PDGFRA: variants seen among roughly 807,000 people sequenced by gnomAD.
The protein encoded by PDGFRA is platelet-derived growth factor receptor alpha.
In PDGFRA, 25 loss-of-function variants were observed where a neutral mutation model predicts 121.5. That is an observed-to-expected ratio of 0.21 (90% CI 0.15 to 0.29). PDGFRA has a LOEUF of 0.29. Among genes scored for constraint, PDGFRA ranks in the 10% least tolerant of loss-of-function variants. The pLI is 1.00. For missense variants in PDGFRA, 1,008 were observed against 1,345.1 expected (o/e 0.75, Z 3.92); for synonymous variants, 463 against 494.8 (o/e 0.94, Z 0.85).
At position 54,274,544 on chromosome 4, in the gene PDGFRA, A is replaced by G. The variant is rs1396151619; in HGVS notation, c.1572A>G (p.Glu524=). ...CTTGTCACGTAGCCCTGCGTTCTGA[A>G]CTCACGGTGGCTGCTGCAGTCCTGG... The part of the protein sequence containing the change: ...LKLVAPTLRS[E]LTVAAAVLVL... Residue 524 remains glutamate, a synonymous_variant, in exon 11 of 23, where the codon GAA becomes GAG. Coordinates refer to ENST00000257290, the MANE Select transcript of PDGFRA (RefSeq NM_006206.6). The G allele has an allele frequency of 1.9e-6, 3 of 1,612,990 alleles. No individual in the cohort carries two copies. The South Asian group carries it at 3.3e-5, about 18-fold the overall frequency.
At chr4:54,259,100 C>T (rs1303897757) in intron 2 of PDGFRA, among the ~76,000 whole-genome samples, 1 of 152,168 alleles carries the variant, frequency 6.6e-6, no homozygotes, top group East Asian at 1.9e-4. Flanking sequence ...TTACTTACTA[C>T]TCTCTTCCTT....
intron 22 of PDGFRA, among the ~76,000 whole-genome samples, chr4:54,290,765 A>G (rs1724590295): frequency 6.6e-6 from 1 of 152,170 alleles, no homozygotes; most frequent in African/African-American, 2.4e-5. Context: ...AGGGATGTGC[A>G]TGTTGTGGGG....
chr4:54,259,751 T>G (rs1005178327), intron 2 of PDGFRA, among the ~76,000 whole-genome samples: 2 of 152,222 alleles, frequency 1.3e-5, no homozygotes, highest in African/African-American at 4.8e-5. Flanking sequence ...CCAGATGTAC[T>G]TACAAATCCT....
chr4:54,229,469 C>T (rs111509514), intron 1 of PDGFRA, 54 bp downstream of exon 1: 351 of 394,786 alleles, frequency 8.9e-4, no homozygotes, highest in African/African-American at 6.7e-3. Flanking sequence ...CCTGATCAGA[C>T]TCTGGGACTG....
In PDGFRA at chr4:54,274,904, A is replaced by G. The variant is rs1723636164; in HGVS notation, c.1717A>G (p.Ile573Val). The G allele has an allele frequency of 1.2e-6, 2 of 1,614,078 alleles. No homozygotes were observed. Among genetic ancestry groups the G allele is most frequent in the Non-Finnish European group, 1.7e-6 (2 of 1,179,924 alleles). ...AATCAGCCCAGATGGACATGAATAT[A>G]TTTATGTGGACCCGATGCAGCTGCC... is the stretch of plus-strand genomic sequence containing the variant. ...ESISPDGHEY[I>V]YVDPMQLPYD... The change falls in exon 12 of 23, where the codon ATT (isoleucine) becomes GTT (valine). Residue 573 changes from isoleucine (I) to valine (V), a missense_variant. Ile to Val is a conservative substitution (Grantham distance 29). This residue lies in a region of PDGFRA where 575 missense variants were observed against 701.8 expected (regional missense o/e 0.82). Coordinates refer to ENST00000257290, the MANE Select transcript of PDGFRA (RefSeq NM_006206.6).
intron 1 of PDGFRA, among the ~76,000 whole-genome samples, chr4:54,257,925 T>C (rs1340507973): frequency 6.6e-6 from 1 of 152,184 alleles, no homozygotes; most frequent in Non-Finnish European, 1.5e-5. Context: ...TCCGTCTCTT[T>C]CTCTACTTCT....
chr4:54,259,245 G>T (rs1189332565), intron 2 of PDGFRA, among the ~76,000 whole-genome samples: 1 of 152,028 alleles, frequency 6.6e-6, no homozygotes. Context: ...GGAGTTCAAG[G>T]TTGCAGTGCA....
At chr4:54,243,460 A>T (rs1010875704) in intron 1 of PDGFRA, 1 of 152,202 alleles carries the variant, frequency 6.6e-6, no homozygotes, top group African/African-American at 2.4e-5. Context: ...GGGTTAAAGG[A>T]TTGTTTTAAG....
Position 54,278,411 on chromosome 4 carries a change from C to G in PDGFRA, c.2052C>G (p.Asn684Lys), listed in dbSNP as rs1377060380. 1 of 1,613,710 alleles carries G rather than the reference C, an allele frequency of 6.2e-7. No homozygotes were observed. The highest frequency in any genetic ancestry group is 1.1e-5 in the South Asian group (1 of 91,064). The change falls in exon 15 of 23, where the codon AAC (asparagine) becomes AAG (lysine). Residue 684 changes from asparagine (N) to lysine (K), a missense_variant. Physicochemically the swap from Asn to Lys is moderately conservative, Grantham distance 94. This residue lies in a region of PDGFRA where 128 missense variants were observed against 147.6 expected (regional missense o/e 0.87). Transcript: ENST00000257290. ...TEYCFYGDLV[N>K]YLHKNRDSFL... ...ATTGCTTCTATGGAGATTTGGTCAACTATTTGCATAAGAATAGGGATAGCT... is the reference window on the plus strand; with the variant it reads ...ATTGCTTCTATGGAGATTTGGTCAAGTATTTGCATAAGAATAGGGATAGCT...
At chr4:54,280,254 GA>G (rs1723995735) in intron 15 of PDGFRA, 61 bp from the exon 16 acceptor site, 3 of 620,876 alleles carry the variant, frequency 4.8e-6, no homozygotes, top group Non-Finnish European at 7.8e-6. Flanking sequence ...ATCATCTACT[GA>G]AAGTGGAATG....
intron 18 of PDGFRA, among the ~76,000 whole-genome samples, chr4:54,287,227 T>G (rs963369961): frequency 6.6e-6 from 1 of 152,248 alleles, no homozygotes; most frequent in African/African-American, 2.4e-5. Context: ...CCATTCATCA[T>G]TCATCTAGTA....
intron 1 of PDGFRA, among the ~76,000 whole-genome samples, chr4:54,248,120 C>T (rs1721805563): frequency 6.6e-6 from 1 of 152,162 alleles, no homozygotes; most frequent in Non-Finnish European, 1.5e-5. Context: ...GAATCAATAT[C>T]ATGAAAATGG....
At position 54,278,158 on chromosome 4, in the gene PDGFRA, G is replaced by A. The variant is rs540000255; in HGVS notation, c.2002+152G>A. ...AGCTGACTGGTCCCTTGAATTGATGGAAGCTCATTGGTTTTTGAGCAAAAT... is the reference window on the plus strand; with the variant it reads ...AGCTGACTGGTCCCTTGAATTGATGAAAGCTCATTGGTTTTTGAGCAAAAT... On this transcript the variant is annotated intron_variant, in intron 14 of 22. Transcript: ENST00000257290. The A allele has an allele frequency of 4.2e-3, 2,972 of 706,744 alleles. 28 individuals carry two copies. Among genetic ancestry groups the A allele is most frequent in the South Asian group, 0.014 (867 of 62,676 alleles). 43.8% of individuals were successfully genotyped at this position (706,744 alleles called of 1,614,324 possible).
intron 2 of PDGFRA, among the ~76,000 whole-genome samples, chr4:54,259,637 T>C (rs770845334): frequency 1.3e-5 from 2 of 152,192 alleles, no homozygotes; most frequent in African/African-American, 4.8e-5. Flanking sequence ...AGCCCGTTAG[T>C]GTCTTTGTCT....
intron 3 of PDGFRA, among the ~76,000 whole-genome samples, chr4:54,261,647 A>G (rs1203153482): frequency 6.6e-6 from 1 of 151,884 alleles, no homozygotes; most frequent in African/African-American, 2.4e-5. Flanking sequence ...TCCTGTATTG[A>G]TACTGTATAA....
intron 1 of PDGFRA, chr4:54,230,191 T>C: frequency 6.5e-6 from 1 of 153,332 alleles, no homozygotes; most frequent in Non-Finnish European, 1.5e-5. Flanking sequence ...TGGGGCGCTC[T>C]GGAGCGGTTT....
chr4:54,247,911 ATTC>A (rs906123512), intron 1 of PDGFRA, among the ~76,000 whole-genome samples: 67 of 152,336 alleles, frequency 4.4e-4, no homozygotes, highest in African/African-American at 1.5e-3. Flanking sequence ...AATCACAAGC[ATTC>A]TTATACACCA....
rs1198732249 is a variant in PDGFRA, at chr4:54,280,436, A to T, written c.2277A>T (p.Arg759Ser). The T allele has an allele frequency of 6.2e-7, 1 of 1,613,856 alleles. No individual in the cohort carries two copies. Among genetic ancestry groups the T allele is most frequent in the East Asian group, 2.2e-5 (1 of 44,868 alleles). The change falls in exon 16 of 23, where the codon AGA becomes AGT. Residue 759 changes from arginine to serine, a missense_variant. Transcript: ENST00000257290. The part of the protein sequence containing the change: ...KEVSKYSDIQ[R>S]SLYDRPASYK... ...TTTCTAAATATTCCGACATCCAGAG[A>T]TCACTCTATGATCGTCCAGCCTCAT... is the stretch of plus-strand genomic sequence containing the variant.
At chr4:54,271,980 C>CT (rs1560477239) in intron 8 of PDGFRA, among the ~76,000 whole-genome samples, 11 of 1,378 alleles carry the variant, frequency 8.0e-3, no homozygotes, top group Admixed American at 0.017. Context: ...CCCCTCCCCT[C>CT]CCCCTCCCCT....
Sources: gnomAD v4.1 joint callset for allele counts (sites outside exome capture counted in the v4.1 genomes callset) on GRCh38, gnomAD v4.1.1 for gene constraint, gnomAD v4.1.1 regional missense constraint, MANE v1.5 for transcripts, NCBI Gene and HGNC (gene_info 2026-07-23, HGNC 2026-07-21) for gene names.